The following SIL1 variants were observed in gnomAD, a reference collection of about 807,000 sequenced individuals.
SIL1 encodes the protein SIL1 nucleotide exchange factor.
A neutral mutation model predicts 49.1 loss-of-function variants in SIL1; 40 were observed. The ratio of observed to expected loss-of-function variants is 0.81; its 90% CI spans 0.63 to 1.06. SIL1 has a LOEUF of 1.06. SIL1 is among the 50% of genes least tolerant of loss of function. The pLI is 0.00. For synonymous variants in SIL1, 253 were observed against 250.8 expected, an observed-to-expected ratio of 1.01 and a Z score of -0.08; for missense variants, 500 against 572.6, an observed-to-expected ratio of 0.87 and a Z score of 1.29.
rs776366406 is a variant in SIL1 at position 139,042,622 on chromosome 5, T to G, written c.451A>C (p.Lys151Gln). 5 of 1,613,848 alleles carry G rather than the reference T, an allele frequency of 3.1e-6. No individual in the cohort carries two copies. Among genetic ancestry groups the G allele is most frequent in the South Asian group, 2.2e-5 (2 of 91,066 alleles). Residue 151 changes from lysine to glutamine, a missense_variant and splice_region_variant, in exon 5 of 10, where the codon AAG becomes CAG. Transcript: ENST00000394817. ...GAEMESSKEDKARQAEVKRLF... is the reference protein window; with the variant it reads ...GAEMESSKEDQARQAEVKRLF... ...TCACAGGAAAAATAATCACACACCT[T>G]GTCTTCCTTTGAACTCTCCATCTCT...
At chr5:139,008,002 T>C (rs1227156060) in intron 7 of SIL1, among the ~76,000 whole-genome samples, 28 of 152,160 alleles carry the variant, frequency 1.8e-4, no homozygotes, top group East Asian at 1.2e-3. Context: ...GATTCCCTCT[T>C]TTTCTATTGA....
At chr5:139,068,534 G>C (rs1303845483) in intron 3 of SIL1, among the ~76,000 whole-genome samples, 5 of 151,380 alleles carry the variant, frequency 3.3e-5, no homozygotes, top group African/African-American at 1.2e-4. Context: ...ACAGAGTCCA[G>C]ATAAAACTGG....
chr5:139,197,331 T>C (rs939172848), intron 1 of SIL1, among the ~76,000 whole-genome samples: 2 of 150,438 alleles, frequency 1.3e-5, no homozygotes, highest in African/African-American at 4.9e-5. Flanking sequence ...TTAGCAAATA[T>C]GTAAGTTTCA....
intron 4 of SIL1, among the ~76,000 whole-genome samples, chr5:139,045,133 G>C (rs1328688700): frequency 6.6e-6 from 1 of 152,102 alleles, no homozygotes. Context: ...GAGGAGGGAG[G>C]ATTGCTTGAG....
chr5:139,119,458 T>A (rs1198479690), intron 3 of SIL1, among the ~76,000 whole-genome samples: 14 of 152,134 alleles, frequency 9.2e-5, no homozygotes. Flanking sequence ...GGAACTTGCC[T>A]GGTTAAAAGT....
intron 5 of SIL1, among the ~76,000 whole-genome samples, chr5:139,031,959 T>C (rs1032948311): frequency 5.9e-5 from 9 of 152,264 alleles, no homozygotes; most frequent in African/African-American, 2.2e-4. Flanking sequence ...TTGCATTGTC[T>C]GTATATCTTG....
chr5:138,991,309 A>G (rs1767755459), intron 7 of SIL1, among the ~76,000 whole-genome samples: 1 of 152,242 alleles, frequency 6.6e-6, no homozygotes, highest in Admixed American at 6.5e-5. Flanking sequence ...GGATAGAAAT[A>G]AATTAGCTTT....
At chr5:138,949,791 C>G (rs551862485) in intron 9 of SIL1, among the ~76,000 whole-genome samples, 143 of 132,968 alleles carry the variant, frequency 1.1e-3, no homozygotes, top group African/African-American at 4.1e-3. Context: ...AGAGAGAGAC[C>G]CTGTCTCAAA....
chr5:139,157,684 C>T (rs1751431072), intron 1 of SIL1, among the ~76,000 whole-genome samples: 2 of 152,130 alleles, frequency 1.3e-5, no homozygotes, highest in African/African-American at 4.8e-5. Context: ...AGAAACACAG[C>T]AGTATGTTTT....
chr5:138,977,827 A>G (rs532177424), intron 7 of SIL1, among the ~76,000 whole-genome samples: 1 of 151,954 alleles, frequency 6.6e-6, no homozygotes, highest in East Asian at 1.9e-4. Context: ...AGCCACACTC[A>G]CCTTCTGGCT....
intron 7 of SIL1, among the ~76,000 whole-genome samples, chr5:138,997,931 G>A (rs1436905739): frequency 6.6e-6 from 1 of 152,132 alleles, no homozygotes; most frequent in Non-Finnish European, 1.5e-5. Context: ...GGATTGCTTT[G>A]GCTATCTGGG....
intron 1 of SIL1, among the ~76,000 whole-genome samples, chr5:139,152,843 T>G (rs963614258): frequency 1.3e-5 from 2 of 152,092 alleles, no homozygotes; most frequent in Admixed American, 6.5e-5. Flanking sequence ...AGATGGAGTT[T>G]TGCTCTTGTT....
At chr5:138,971,647 C>T (rs1767279585) in intron 7 of SIL1, among the ~76,000 whole-genome samples, 1 of 152,204 alleles carries the variant, frequency 6.6e-6, no homozygotes, top group Non-Finnish European at 1.5e-5. Flanking sequence ...CAGAGTTGCT[C>T]CCCATTCACA....
rs887331387 is a variant in SIL1 at position 139,135,458 on chromosome 5, T to TGCAAG, written c.-10-7610_-10-7606dup. On this transcript the variant is annotated intron_variant, in intron 1 of 9. Coordinates refer to ENST00000394817, the MANE Select transcript of SIL1 (RefSeq NM_022464.5). ...GAGCTACAAAATCCACCGTGCAGCC[T>TGCAAG]GCAAGGGAGAACAGTGGCAGTACAG... Among the ~76,000 whole-genome samples, 9 of 152,170 alleles carry TGCAAG rather than the reference T, an allele frequency of 5.9e-5. 1 individual carries two copies. Among genetic ancestry groups the TGCAAG allele is most frequent in the South Asian group, 2.1e-4 (1 of 4,828 alleles).
intron 3 of SIL1, among the ~76,000 whole-genome samples, chr5:139,100,369 G>A (rs1427199883): frequency 1.3e-5 from 2 of 152,194 alleles, no homozygotes. Flanking sequence ...CAAGACCAGA[G>A]TGACTAGAGG....
At chr5:139,059,556 G>A (rs1279802201) in intron 3 of SIL1, among the ~76,000 whole-genome samples, 2 of 152,094 alleles carry the variant, frequency 1.3e-5, no homozygotes, top group Non-Finnish European at 2.9e-5. Flanking sequence ...GGCCCTCCAT[G>A]TAATCATCAA....
chr5:139,154,192 T>C lies in SIL1; in HGVS notation c.-10-26339A>G, dbSNP rs940518651. On this transcript the variant is annotated intron_variant, in intron 1 of 9. Transcript: ENST00000394817. ...TACACAAAATGTAAATAACAGTCTC[T>C]GTCTATAATGAAGAAGGGACTGAGC... is the stretch of plus-strand genomic sequence containing the variant. 1.4e-4 allele frequency among the ~76,000 whole-genome samples: 21 copies of C among 152,120 alleles called. 1 individual carries two copies. Among genetic ancestry groups the C allele is most frequent in the African/African-American group, 3.9e-4 (16 of 41,432 alleles).
rs756721173 is a variant in SIL1 at position 139,060,293 on chromosome 5, T to C, written c.245-9247A>G. On this transcript the variant is annotated intron_variant, in intron 3 of 9. Transcript: ENST00000394817. ...TACTTTTTTTTTGTATAGTTACTGT[T>C]TTTTTAAGCCACCAGGATTTGAGGT... 3.3e-3 allele frequency among the ~76,000 whole-genome samples: 404 copies of C among 123,760 alleles called. 1 individual carries two copies. The highest frequency in any genetic ancestry group is 5.2e-3 in the Non-Finnish European group (306 of 59,022). The allele number at this position is 123,760 out of a possible 152,430, so 81.2% of individuals were successfully genotyped here. A position where few individuals can be genotyped will look rare whatever the true frequency, so the allele number is the denominator to read the frequency against.
chr5:139,192,273 T>C (rs527530370), intron 1 of SIL1, among the ~76,000 whole-genome samples: 1 of 151,986 alleles, frequency 6.6e-6, no homozygotes, highest in African/African-American at 2.4e-5. Flanking sequence ...ACCAGAACTT[T>C]AGGATGTATC....
Sources: gnomAD v4.1 joint callset for allele counts (sites outside exome capture counted in the v4.1 genomes callset) on GRCh38, gnomAD v4.1.1 for gene constraint, MANE v1.5 for transcripts, NCBI Gene and HGNC (gene_info 2026-07-23, HGNC 2026-07-21) for gene names.